The following TEX9 variants were observed in gnomAD, a reference collection of about 807,000 sequenced individuals.
TEX9 encodes testis-expressed protein 9.
Under a neutral mutation model 59.6 loss-of-function variants are expected in TEX9, and 74 were observed. The ratio of observed to expected loss-of-function variants is 1.24; its 90% CI spans 1.03 to 1.51. The LOEUF is 1.51. TEX9 is among the 40% of genes most tolerant of loss of function. The pLI is 0.00. For synonymous variants in TEX9, 186 were observed against 152.2 expected (o/e 1.22, Z -1.64); for missense variants, 522 against 447.8 (o/e 1.17, Z -1.49).
chr15:56,318,274 C>T (rs769799944), intron 1 of TEX9, among the ~76,000 whole-genome samples: 1 of 152,134 alleles, frequency 6.6e-6, no homozygotes, highest in Non-Finnish European at 1.5e-5. Context: ...TCTCTGTTAA[C>T]ACTTTTTGCT....
intron 1 of TEX9, among the ~76,000 whole-genome samples, chr15:56,272,140 T>C (rs1203995660): frequency 8.9e-6 from 1 of 112,762 alleles, no homozygotes; most frequent in East Asian, 2.4e-4. Context: ...CAACATTCCA[T>C]CTCAAAAAAA....
intron 12 of TEX9, among the ~76,000 whole-genome samples, chr15:56,439,127 T>C (rs948540442): frequency 9.9e-5 from 15 of 152,092 alleles, no homozygotes; most frequent in Admixed American, 2.6e-4. Context: ...AAATATCAAT[T>C]CACTAGCAAC....
intron 3 of TEX9, among the ~76,000 whole-genome samples, chr15:56,375,411 A>G (rs1160428205): frequency 6.6e-6 from 1 of 151,892 alleles, no homozygotes; most frequent in Non-Finnish European, 1.5e-5. Context: ...GATTCTGGAT[A>G]TTAGCCCTTT....
intron 1 of TEX9, among the ~76,000 whole-genome samples, chr15:56,296,619 T>C (rs1230732861): frequency 6.6e-6 from 1 of 152,208 alleles, no homozygotes; most frequent in African/African-American, 2.4e-5. Context: ...CTGTGTAAAA[T>C]ATAATGTCAA....
rs531560046 is a variant in TEX9 at position 56,290,753 on chromosome 15, C to T, written c.-107+46475C>T. 4.3e-4 allele frequency among the ~76,000 whole-genome samples: 65 copies of T among 152,014 alleles called. No individual in the cohort carries two copies. The South Asian group carries it at 0.013, about 29-fold the overall frequency. On this transcript the variant is annotated intron_variant, in intron 1 of 5. Coordinates refer to the TEX9 transcript ENST00000560827. ...TACAGACGTGAGCCACTATGGCTGG[C>T]GACCAGCAATCCTTTCTATGTGGTT...
chr15:56,340,997 C>T (rs1443034032), intron 1 of TEX9, among the ~76,000 whole-genome samples: 1 of 152,114 alleles, frequency 6.6e-6, no homozygotes, highest in African/African-American at 2.4e-5. Context: ...GAATACTTAA[C>T]CCAAGTCTCA....
At chr15:56,393,351 G>A (rs1390758234) in intron 7 of TEX9, among the ~76,000 whole-genome samples, 1 of 152,088 alleles carries the variant, frequency 6.6e-6, no homozygotes, top group Non-Finnish European at 1.5e-5. Context: ...TAACACTGAG[G>A]GCACTTAAAA....
chr15:56,365,543 T>G, intron 1 of TEX9, 36 bp from the exon 2 acceptor site: 4 of 1,614,206 alleles, frequency 2.5e-6, no homozygotes, highest in Non-Finnish European at 2.5e-6. Flanking sequence ...TAACTTCCTT[T>G]AACTTCGGGT....
At position 56,248,959 on chromosome 15, in the gene TEX9, A is replaced by G. The variant is rs2043934868; in HGVS notation, c.-107+4681A>G. Reference sequence around the variant, plus strand: ...CATTCCTCCATTCCTTTCAAGGCACATTCGAGAACCTGCTATGTACAAGTT... The same window carrying G: ...CATTCCTCCATTCCTTTCAAGGCACGTTCGAGAACCTGCTATGTACAAGTT... On this transcript the variant is annotated intron_variant, in intron 1 of 5. Transcript: ENST00000560827. 2.6e-5 allele frequency: 4 copies of G among 152,352 alleles called. No homozygotes were observed. In the South Asian group the frequency reaches 8.3e-4, roughly 32 times the overall value. The allele number at this position is 152,352 out of a possible 1,614,324, so 9.4% of individuals were successfully genotyped here.
chr15:56,390,352 A>G (rs1341491370), intron 6 of TEX9, among the ~76,000 whole-genome samples: 2 of 152,032 alleles, frequency 1.3e-5, no homozygotes, highest in Non-Finnish European at 2.9e-5. Context: ...GAGTGTAATT[A>G]GATTGTTTGT....
At chr15:56,338,677 G>C (rs1462030089) in intron 1 of TEX9, among the ~76,000 whole-genome samples, 2 of 152,194 alleles carry the variant, frequency 1.3e-5, no homozygotes, top group Non-Finnish European at 2.9e-5. Flanking sequence ...AGCACTTTGG[G>C]AGGCCAAGGT....
chr15:56,423,678 TCCC>T (rs1374816984), intron 10 of TEX9, among the ~76,000 whole-genome samples: 31 of 152,136 alleles, frequency 2.0e-4, no homozygotes, highest in African/African-American at 7.0e-4. Context: ...CACTCTATAT[TCCC>T]CCAACACCCT....
At chr15:56,445,667 AC>A (rs1195268559) in intron 12 of TEX9, 1 of 152,176 alleles carries the variant, frequency 6.6e-6, no homozygotes, top group African/African-American at 2.4e-5. Flanking sequence ...TTCTCATTTT[AC>A]AGATAAGAAA....
intron 3 of TEX9, among the ~76,000 whole-genome samples, chr15:56,375,616 C>T (rs2047402744): frequency 6.6e-6 from 1 of 152,144 alleles, no homozygotes; most frequent in African/African-American, 2.4e-5. Context: ...ATGGTAATGC[C>T]TAAGTTTTCT....
chr15:56,352,310 T>A (rs576193275), intron 1 of TEX9, among the ~76,000 whole-genome samples: 63 of 152,238 alleles, frequency 4.1e-4, no homozygotes, highest in South Asian at 2.1e-3. Context: ...AATGGCGCGA[T>A]CTTAACTCGC....
chr15:56,384,247 A>G (rs548506181), intron 4 of TEX9, among the ~76,000 whole-genome samples: 5 of 152,220 alleles, frequency 3.3e-5, no homozygotes, highest in Non-Finnish European at 7.3e-5. Flanking sequence ...CATTTTTAAA[A>G]CTTTAGAGAG....
intron 10 of TEX9, among the ~76,000 whole-genome samples, chr15:56,426,505 G>T (rs1217622385): frequency 6.8e-6 from 1 of 146,722 alleles, no homozygotes; most frequent in African/African-American, 2.5e-5. Flanking sequence ...GGAAGCAAAG[G>T]CCTGGAGCTT....
chr15:56,320,633 G>A (rs1369766210), intron 1 of TEX9, among the ~76,000 whole-genome samples: 1 of 152,154 alleles, frequency 6.6e-6, no homozygotes, highest in Non-Finnish European at 1.5e-5. Flanking sequence ...TTTAACTTCA[G>A]TTACCTATTC....
chr15:56,380,965 C>T (rs1448168208), intron 3 of TEX9, among the ~76,000 whole-genome samples: 1 of 152,172 alleles, frequency 6.6e-6, no homozygotes, highest in East Asian at 1.9e-4. Flanking sequence ...ATAACTTTCT[C>T]AAGGTTTGGG....
Sources: allele counts gnomAD v4.1 joint callset (sites outside exome capture counted in the v4.1 genomes callset), GRCh38; gene constraint gnomAD v4.1.1; transcripts MANE v1.5; gene names NCBI Gene and HGNC (gene_info 2026-07-23, HGNC 2026-07-21).